The following GNPTG variants were observed in gnomAD, a reference collection of about 807,000 sequenced individuals.
GNPTG encodes N-acetylglucosamine-1-phosphotransferase subunit gamma.
GNPTG carries 46 observed loss-of-function variants against 43.8 expected under a neutral mutation model. That is an observed-to-expected ratio of 1.05 (90% confidence interval 0.83 to 1.34). The LOEUF (loss-of-function observed/expected upper bound fraction) is 1.34, where lower values mean the gene tolerates loss of function less well. Among genes scored for constraint, GNPTG ranks in the 40% most tolerant of loss-of-function variants. GNPTG has a pLI of 0.00. For missense variants in GNPTG, 549 were observed against 411.3 expected (o/e 1.33, Z -2.90); for synonymous variants, 250 against 172.8 (o/e 1.45, Z -3.50).
chr16:1,355,483 G>C (rs1175420072), intron 3 of GNPTG, among the ~76,000 whole-genome samples: 1 of 152,196 alleles, frequency 6.6e-6, no homozygotes, highest in African/African-American at 2.4e-5. Context: ...GGTGGGGCTG[G>C]GCTGGGCAGT....
At chr16:1,353,590 C>T (rs997299919) in intron 3 of GNPTG, among the ~76,000 whole-genome samples, 1 of 152,174 alleles carries the variant, frequency 6.6e-6, no homozygotes, top group African/African-American at 2.4e-5. Flanking sequence ...GTAGTGCAAT[C>T]ATAGCTCACT....
chr16:1,358,400 T>G (rs961581135), intron 3 of GNPTG: 18 of 152,132 alleles, frequency 1.2e-4, no homozygotes, highest in African/African-American at 4.3e-4. Flanking sequence ...CCAACTCCTC[T>G]TGGCACAGTG....
chr16:1,356,710 G>A (rs989534510), intron 3 of GNPTG, among the ~76,000 whole-genome samples: 1 of 152,230 alleles, frequency 6.6e-6, no homozygotes, highest in Admixed American at 6.5e-5. Flanking sequence ...ACACAGTCCT[G>A]TTTAGACGGA....
chr16:1,356,213 G>A (rs894486981), intron 3 of GNPTG, among the ~76,000 whole-genome samples: 6 of 152,158 alleles, frequency 3.9e-5, no homozygotes, highest in Non-Finnish European at 7.4e-5. Context: ...CTGTGGCCTC[G>A]GGTGCAGGGA....
At chr16:1,361,410 C>T (rs951956735) in intron 3 of GNPTG, 9 of 351,920 alleles carry the variant, frequency 2.6e-5, no homozygotes, top group Non-Finnish European at 5.0e-5. Flanking sequence ...TTTGGGAGGC[C>T]GAGGTGGGTG....
chr16:1,363,699 A>C lies in GNPTG; in HGVS notation c.*608A>C. 5.9e-6 allele frequency: 1 copy of C among 168,716 alleles called. No individual in the cohort carries two copies. The highest frequency in any genetic ancestry group is 1.3e-5 in the Non-Finnish European group (1 of 77,478). 10.5% of individuals were successfully genotyped at this position (168,716 alleles called of 1,614,324 possible). On this transcript the variant is annotated 3_prime_UTR_variant, in exon 11 of 11. Transcript: ENST00000204679. Reference sequence around the variant, plus strand: ...CCACCTAGGAGCCATCCCTGAGGCCATGGCCACCAAGACAGGTGAGGGAGG... The same window carrying C: ...CCACCTAGGAGCCATCCCTGAGGCCCTGGCCACCAAGACAGGTGAGGGAGG...
Position 1,362,614 on chromosome 16 carries a change from C to T in GNPTG, c.613C>T (p.His205Tyr). Residue 205 changes from histidine to tyrosine, a missense_variant, in exon 9 of 11, where the codon CAT becomes TAT. Coordinates refer to ENST00000204679, the MANE Select transcript of GNPTG (RefSeq NM_032520.5). The part of the protein sequence containing the change: ...LADELITPQG[H>Y]EKLLRTLFED... The stretch of plus-strand genomic sequence containing the variant: ...CCCCTGCATCCTCCACCTTCAGGGC[C>T]ATGAGAAGTTGCTGAGGACACTTTT... The T allele has an allele frequency of 1.9e-6, 3 of 1,614,192 alleles. No individual in the cohort carries two copies. The highest frequency in any genetic ancestry group is 2.5e-6 in the Non-Finnish European group (3 of 1,180,032).
At chr16:1,356,256 A>G (rs1341272187) in intron 3 of GNPTG, among the ~76,000 whole-genome samples, 1 of 152,070 alleles carries the variant, frequency 6.6e-6, no homozygotes, top group African/African-American at 2.4e-5. Context: ...GGCCCGCGGG[A>G]GCCAAGGGCA....
chr16:1,358,696 C>T (rs1477316628), intron 3 of GNPTG, among the ~76,000 whole-genome samples: 1 of 152,128 alleles, frequency 6.6e-6, no homozygotes, highest in Admixed American at 6.5e-5. Flanking sequence ...CACCGTTTCC[C>T]ATTCCAGCCA....
chr16:1,359,857 C>G (rs535773324), intron 3 of GNPTG, among the ~76,000 whole-genome samples: 1 of 152,080 alleles, frequency 6.6e-6, no homozygotes, highest in Non-Finnish European at 1.5e-5. Flanking sequence ...CGCCTGTAAT[C>G]CCAGTACTTT....
chr16:1,354,596 A>AAAAAAAAAAAAAAC lies in GNPTG; in HGVS notation c.178+2291_178+2304dup, dbSNP rs2034740789. Among the ~76,000 whole-genome samples, 2 of 150,068 alleles carry AAAAAAAAAAAAAAC rather than the reference A, an allele frequency of 1.3e-5. 1 individual carries two copies. Among genetic ancestry groups the AAAAAAAAAAAAAAC allele is most frequent in the Non-Finnish European group, 3.0e-5 (2 of 67,620 alleles). On this transcript the variant is annotated intron_variant, in intron 3 of 10. Transcript: ENST00000204679. Reference sequence around the variant, plus strand: ...GCAAGACTTCGTCTCAAAAAAAAAAAAAAAAAAAAAAAACCCATAAAAATT... The same window carrying AAAAAAAAAAAAAAC: ...GCAAGACTTCGTCTCAAAAAAAAAAAAAAAAAAAAAAAACAAAAAAAAAAAAACCCATAAAAATT...
At chr16:1,354,990 CTCCCCCGCATCTGCGG>C (rs1175702378) in intron 3 of GNPTG, among the ~76,000 whole-genome samples, 1 of 151,598 alleles carries the variant, frequency 6.6e-6, no homozygotes, top group Non-Finnish European at 1.5e-5. Flanking sequence ...GGCCTGGATA[CTCCCCCGCATCTGCGG>C]GGTGGGGCGT....
Position 1,363,723 on chromosome 16 carries a change from G to C in GNPTG, c.*632G>C, listed in dbSNP as rs1434641938. ...CATGGCCACCAAGACAGGTGAGGGA[G>C]GCCCCAGGGCACACAGCCCCAGGAT... is the stretch of plus-strand genomic sequence containing the variant. On this transcript the variant is annotated 3_prime_UTR_variant, in exon 11 of 11. Transcript: ENST00000204679. 6.1e-6 allele frequency: 1 copy of C among 164,138 alleles called. No individual in the cohort carries two copies. The highest frequency in any genetic ancestry group is 2.4e-5 in the African/African-American group (1 of 41,494). 10.2% of individuals were successfully genotyped at this position (164,138 alleles called of 1,614,324 possible).
chr16:1,363,152 AGGACCCGCAG>A lies in GNPTG; in HGVS notation c.*67_*76del. 17 of 1,447,180 alleles carry A rather than the reference AGGACCCGCAG, an allele frequency of 1.2e-5. No homozygotes were observed. The highest frequency in any genetic ancestry group is 1.6e-5 in the Non-Finnish European group (17 of 1,041,938). The allele number at this position is 1,447,180 out of a possible 1,614,324, so 89.6% of individuals were successfully genotyped here. ...GAGCCCTACAGAGAAGCTGGCTGGTAGGACCCGCAGGGACCAGCTGACCAGGCTTGTGCTC... is the reference window on the plus strand; with the variant it reads ...GAGCCCTACAGAGAAGCTGGCTGGTAGGACCAGCTGACCAGGCTTGTGCTC... On this transcript the variant is annotated 3_prime_UTR_variant, in exon 11 of 11. Transcript: ENST00000204679.
At chr16:1,356,915 GTGCGGGCGGGGGTC>G (rs1461559066) in intron 3 of GNPTG, among the ~76,000 whole-genome samples, 1 of 11,166 alleles carries the variant, frequency 9.0e-5, no homozygotes, top group Non-Finnish European at 2.2e-4. Flanking sequence ...GGGCGAGAGT[GTGCGGGCGGGGGTC>G]TGCGGGCGGG....
intron 3 of GNPTG, among the ~76,000 whole-genome samples, chr16:1,356,463 A>G (rs2034777711): frequency 2.0e-5 from 3 of 152,140 alleles, no homozygotes; most frequent in African/African-American, 4.8e-5. Context: ...CACCTGTCTC[A>G]GGAGGACAGG....
At chr16:1,354,750 G>T (rs1964316784) in intron 3 of GNPTG, among the ~76,000 whole-genome samples, 1 of 152,202 alleles carries the variant, frequency 6.6e-6, no homozygotes, top group Non-Finnish European at 1.5e-5. Flanking sequence ...TCCCACCTTT[G>T]GATGTAAGTG....
intron 3 of GNPTG, among the ~76,000 whole-genome samples, chr16:1,358,741 C>T (rs533706766): frequency 7.9e-4 from 120 of 152,262 alleles, no homozygotes; most frequent in Middle Eastern, 3.4e-3. Flanking sequence ...TCCACATTTT[C>T]ACCAACACTG....
intron 3 of GNPTG, chr16:1,352,511 C>T: frequency 1.6e-6 from 1 of 634,414 alleles, no homozygotes; most frequent in Non-Finnish European, 2.8e-6. Context: ...TCCTTCCTTT[C>T]CTTTCCGAGA....
Sources: gnomAD v4.1 joint callset for allele counts (sites outside exome capture counted in the v4.1 genomes callset) on GRCh38, gnomAD v4.1.1 for gene constraint, MANE v1.5 for transcripts, NCBI Gene and HGNC (gene_info 2026-07-23, HGNC 2026-07-21) for gene names.